MSRB2: variants seen among roughly 807,000 people sequenced by gnomAD.
MSRB2 encodes the protein methionine-R-sulfoxide reductase B2, mitochondrial.
In MSRB2, 17 loss-of-function variants were observed where a neutral mutation model predicts 19.0. The ratio of observed to expected loss-of-function variants is 0.89; its 90% CI spans 0.61 to 1.34. MSRB2 has a LOEUF of 1.34. Ranked by LOEUF, MSRB2 falls within the 40% of genes most tolerant of loss-of-function variation. The pLI is 0.00. For missense variants in MSRB2, 208 were observed against 237.6 expected, an observed-to-expected ratio of 0.88 and a Z score of 0.82; for synonymous variants, 107 against 99.7, an observed-to-expected ratio of 1.07 and a Z score of -0.44.
chr10:23,109,952 T>C (rs1840031153), intron 2 of MSRB2, among the ~76,000 whole-genome samples: 1 of 152,220 alleles, frequency 6.6e-6, no homozygotes, highest in Non-Finnish European at 1.5e-5. Context: ...AGACTCTGTT[T>C]TCTTGCTTTT....
chr10:23,120,424 G>A (rs1237365709), intron 4 of MSRB2, among the ~76,000 whole-genome samples: 1 of 152,150 alleles, frequency 6.6e-6, no homozygotes, highest in African/African-American at 2.4e-5. Context: ...TACTTACCCA[G>A]GAATTATGTT....
At chr10:23,112,286 G>A (rs1233826749) in intron 3 of MSRB2, among the ~76,000 whole-genome samples, 1 of 152,200 alleles carries the variant, frequency 6.6e-6, no homozygotes, top group African/African-American at 2.4e-5. Context: ...TATTCCTGAA[G>A]ATTATTTATG....
intron 2 of MSRB2, among the ~76,000 whole-genome samples, chr10:23,105,725 T>C (rs7094823): frequency 0.18 from 27,845 of 152,070 alleles, 3,081 homozygotes; most frequent in South Asian, 0.26. Flanking sequence ...AGTATGAATG[T>C]TTTTTCCTTT....
At chr10:23,106,682 G>A (rs1839990813) in intron 2 of MSRB2, among the ~76,000 whole-genome samples, 1 of 152,216 alleles carries the variant, frequency 6.6e-6, no homozygotes, top group Admixed American at 6.5e-5. Flanking sequence ...GGCCCCTCTT[G>A]TAGGCAGCCC....
intron 1 of MSRB2, among the ~76,000 whole-genome samples, chr10:23,097,544 C>T (rs545653880): frequency 1.2e-4 from 18 of 152,326 alleles, no homozygotes; most frequent in African/African-American, 4.3e-4. Flanking sequence ...AACTAATAAC[C>T]TCCCAAGCCC....
At chr10:23,099,079 A>C (rs557863024) in intron 1 of MSRB2, among the ~76,000 whole-genome samples, 2 of 152,272 alleles carry the variant, frequency 1.3e-5, no homozygotes, top group South Asian at 4.1e-4. Context: ...TCATTTTGAC[A>C]TGATTGCCTC....
intron 1 of MSRB2, among the ~76,000 whole-genome samples, chr10:23,098,653 C>T (rs1839893435): frequency 6.6e-6 from 1 of 152,326 alleles, no homozygotes; most frequent in Non-Finnish European, 1.5e-5. Flanking sequence ...GTGTTGAAAC[C>T]TCTCTCTAGC....
chr10:23,118,486 G>C (rs1169109057), intron 3 of MSRB2, among the ~76,000 whole-genome samples: 3 of 152,022 alleles, frequency 2.0e-5, no homozygotes, highest in African/African-American at 7.2e-5. Context: ...GCACTTAGAG[G>C]GTGGGTCTTT....
At chr10:23,104,987 A>C (rs1839969521) in intron 2 of MSRB2, among the ~76,000 whole-genome samples, 1 of 152,128 alleles carries the variant, frequency 6.6e-6, no homozygotes, top group Admixed American at 6.5e-5. Flanking sequence ...ATTTGCCATC[A>C]CTGCTGTAAC....
At chr10:23,111,492 C>T (rs1840052631) in intron 3 of MSRB2, among the ~76,000 whole-genome samples, 1 of 152,232 alleles carries the variant, frequency 6.6e-6, no homozygotes, top group African/African-American at 2.4e-5. Flanking sequence ...GATAAATCAT[C>T]CTCGCAAGAG....
intron 3 of MSRB2, among the ~76,000 whole-genome samples, chr10:23,117,029 C>T (rs12780893): frequency 0.22 from 33,820 of 151,972 alleles, 4,303 homozygotes; most frequent in Non-Finnish European, 0.28. Flanking sequence ...ACCGGAAACT[C>T]GATTTAAAGG....
chr10:23,119,473 T>G (rs1476486806), intron 4 of MSRB2, 22 bp downstream of exon 4: 2 of 1,608,116 alleles, frequency 1.2e-6, no homozygotes, highest in South Asian at 2.2e-5. Flanking sequence ...CATTTTGTTT[T>G]ACTTTCCCTG....
rs1215078659 is a variant in MSRB2, at chr10:23,120,744, T to G, written c.445-14T>G. ...TTTGCATTTGGAGATGACAGAGGCT[T>G]CTGTCCTTTGCAGTGTGAAGCTCAT... On this transcript the variant is annotated splice_polypyrimidine_tract_variant and intron_variant, in intron 4 of 4. Coordinates refer to ENST00000376510, the MANE Select transcript of MSRB2 (RefSeq NM_012228.4). 6.2e-7 allele frequency: 1 copy of G among 1,604,904 alleles called. No homozygotes were observed. Among genetic ancestry groups the G allele is most frequent in the African/African-American group, 1.3e-5 (1 of 74,638 alleles).
chr10:23,110,342 C>T (rs756787720), intron 3 of MSRB2, 24 bp downstream of exon 3: 39 of 1,590,660 alleles, frequency 2.5e-5, no homozygotes, highest in East Asian at 8.9e-5. Flanking sequence ...TTGAGAGCCA[C>T]GGAAGGAGAC....
Position 23,119,321 on chromosome 10 carries a change from G to T in MSRB2, c.314G>T (p.Cys105Phe). ...SPLFSSEKKYCSGTGWPSFSE... is the reference protein window; with the variant it reads ...SPLFSSEKKYFSGTGWPSFSE... ...TTCCACAGTTCTGAGAAAAAGTACT[G>T]CTCTGGCACTGGGTGGCCTTCGTTT... Residue 105 changes from cysteine (C) to phenylalanine (F), a missense_variant, in exon 4 of 5, where the codon TGC (cysteine) becomes TTC (phenylalanine). Transcript: ENST00000376510. 1 of 1,614,086 alleles carries T rather than the reference G, an allele frequency of 6.2e-7. No individual in the cohort carries two copies. Among genetic ancestry groups the T allele is most frequent in the Non-Finnish European group, 8.5e-7 (1 of 1,179,982 alleles).
chr10:23,112,341 G>C (rs756046411), intron 3 of MSRB2, among the ~76,000 whole-genome samples: 1 of 152,196 alleles, frequency 6.6e-6, no homozygotes, highest in African/African-American at 2.4e-5. Context: ...TTATGGGAGA[G>C]GCAGTAGAAT....
intron 3 of MSRB2, 101 bp from the exon 4 acceptor site, chr10:23,119,203 T>C (rs2131634951): frequency 7.0e-7 from 1 of 1,423,832 alleles, no homozygotes; most frequent in East Asian, 2.3e-5. Flanking sequence ...CAGAGGAGAG[T>C]GGGAACAGAT....
At chr10:23,097,615 G>A (rs1318324387) in intron 1 of MSRB2, among the ~76,000 whole-genome samples, 1 of 152,208 alleles carries the variant, frequency 6.6e-6, no homozygotes. Context: ...GGGGAGAGGA[G>A]CAGGGAGAAC....
chr10:23,106,521 G>A (rs1376548610), intron 2 of MSRB2, among the ~76,000 whole-genome samples: 1 of 152,212 alleles, frequency 6.6e-6, no homozygotes, highest in Non-Finnish European at 1.5e-5. Flanking sequence ...TCTAGGAAGA[G>A]TGAGCAGCTC....
Sources: gnomAD v4.1 joint callset for allele counts (sites outside exome capture counted in the v4.1 genomes callset) on GRCh38, gnomAD v4.1.1 for gene constraint, MANE v1.5 for transcripts, NCBI Gene and HGNC (gene_info 2026-07-23, HGNC 2026-07-21) for gene names.